TBX15: variants seen among roughly 807,000 people sequenced by gnomAD.
TBX15 encodes T-box transcription factor 15, also known as T-box transcription factor TBX15.
In TBX15, 18 loss-of-function variants were observed where a neutral mutation model predicts 53.9. The observed-to-expected ratio is 0.33, with a 90% confidence interval of 0.23 to 0.49. The LOEUF (loss-of-function observed/expected upper bound fraction) is 0.49, where lower values mean the gene tolerates loss of function less well. TBX15 is among the 20% of genes least tolerant of loss of function. The pLI, the probability that TBX15 is intolerant of heterozygous loss-of-function variation, is 0.98. For synonymous variants in TBX15, 295 were observed against 278.0 expected, an observed-to-expected ratio of 1.06 and a Z score of -0.61; for missense variants, 692 against 749.5, an observed-to-expected ratio of 0.92 and a Z score of 0.90.
At chr1:118,965,140 T>G (rs1416489915) in intron 1 of TBX15, among the ~76,000 whole-genome samples, 1 of 152,166 alleles carries the variant, frequency 6.6e-6, no homozygotes, top group Non-Finnish European at 1.5e-5. Context: ...CTCAACACCT[T>G]GAAAGCCTCC....
chr1:118,893,466 A>AAAGGAAGGAAGG (rs879291100), intron 7 of TBX15, among the ~76,000 whole-genome samples: 2 of 97,200 alleles, frequency 2.1e-5, no homozygotes, highest in Non-Finnish European at 3.9e-5. Context: ...GGAAGGAAAG[A>AAAGGAAGGAAGG]AAGGAAGGAA....
rs986790402 is a variant in TBX15 at position 118,910,370 on chromosome 1, T to C, written c.926+3745A>G. 7.9e-5 allele frequency among the ~76,000 whole-genome samples: 12 copies of C among 152,264 alleles called. No homozygotes were observed. In the South Asian group the frequency reaches 2.5e-3, roughly 32 times the overall value. ...CCTCTGCATGAGTAGTCACTTGATG[T>C]CTAAAATGCATGGGGAAGATCTTAG... On this transcript the variant is annotated intron_variant, in intron 6 of 7. Coordinates refer to ENST00000369429, the MANE Select transcript of TBX15 (RefSeq NM_001330677.2).
intron 1 of TBX15, among the ~76,000 whole-genome samples, chr1:118,980,418 T>C (rs951651729): frequency 6.6e-6 from 1 of 152,180 alleles, no homozygotes; most frequent in Non-Finnish European, 1.5e-5. Context: ...TCATCTGTAG[T>C]GGGTGGTTTG....
chr1:118,948,514 A>T (rs1656412107), intron 1 of TBX15, among the ~76,000 whole-genome samples: 1 of 152,212 alleles, frequency 6.6e-6, no homozygotes. Context: ...CAGGTTTTAC[A>T]TAAAGTTGCT....
In TBX15 at chr1:118,890,675, A is replaced by AT. The variant is rs1654107876; in HGVS notation, c.1025-5160dup. 2.0e-5 allele frequency among the ~76,000 whole-genome samples: 3 copies of AT among 152,176 alleles called. No individual in the cohort carries two copies. The South Asian group carries it at 6.2e-4, about 32-fold the overall frequency. ...AGACAAGTTAAACGTGACCATGAAAATCCTGAATACTAAACCTGCTGACTT... is the reference window on the plus strand; with the variant it reads ...AGACAAGTTAAACGTGACCATGAAAATTCCTGAATACTAAACCTGCTGACTT... On this transcript the variant is annotated intron_variant, in intron 7 of 7. Coordinates refer to ENST00000369429, the MANE Select transcript of TBX15 (RefSeq NM_001330677.2).
chr1:118,945,329 C>T (rs566557222), intron 1 of TBX15, among the ~76,000 whole-genome samples: 1 of 152,142 alleles, frequency 6.6e-6, no homozygotes, highest in Non-Finnish European at 1.5e-5. Context: ...TGTAAGTTAA[C>T]TCTGATTAGT....
At chr1:118,915,176 G>C (rs115301091) in intron 5 of TBX15, among the ~76,000 whole-genome samples, 157 of 152,306 alleles carry the variant, frequency 1.0e-3, no homozygotes, top group African/African-American at 3.7e-3. Flanking sequence ...TTAGGCATAG[G>C]TGCTAGGGAG....
rs1657912451 is a variant in TBX15 at position 118,988,265 on chromosome 1, T to C, written c.-470A>G. On this transcript the variant is annotated 5_prime_UTR_variant, in exon 1 of 8. Transcript: ENST00000369429. ...TCCAAACTTCTGGGAAACTTTTTTT[T>C]CCGCTAAATTCCTCCCTTCCCGAGG... 1 of 156,726 alleles carries C rather than the reference T, an allele frequency of 6.4e-6. No homozygotes were observed. The highest frequency in any genetic ancestry group is 2.0e-4 in the South Asian group (1 of 5,008). The allele number at this position is 156,726 out of a possible 1,614,324, so 9.7% of individuals were successfully genotyped here.
In TBX15 at chr1:118,931,635, T is replaced by C. The variant is rs1021172168; in HGVS notation, c.403A>G (p.Ile135Val). The C allele has an allele frequency of 6.2e-7, 1 of 1,614,092 alleles. No homozygotes were observed. The highest frequency in any genetic ancestry group is 1.3e-5 in the African/African-American group (1 of 75,052). Residue 135 changes from isoleucine to valine, a missense_variant, in exon 2 of 8, where the codon ATC becomes GTC. By Grantham distance (29) the Ile-to-Val change is conservative. This residue lies in a region of TBX15 where 307 missense variants were observed against 347.5 expected (regional missense o/e 0.88). Transcript: ENST00000369429. ...TGTCCTTACCTGCCTGCTTTGGTGA[T>C]GATCATTTCAGTTCCAATATCATGG... The part of the protein sequence containing the change: ...RFHDIGTEMI[I>V]TKAGRRMFPA...
chr1:118,916,805 A>G (rs368561625), intron 5 of TBX15, among the ~76,000 whole-genome samples: 2 of 152,000 alleles, frequency 1.3e-5, no homozygotes, highest in African/African-American at 2.4e-5. Context: ...AGTGGGAGCT[A>G]TGGTGAGCTA....
At chr1:118,893,491 AAAG>A (rs1418397142) in intron 7 of TBX15, among the ~76,000 whole-genome samples, 28 of 104,220 alleles carry the variant, frequency 2.7e-4, no homozygotes, top group African/African-American at 1.3e-3. Context: ...GGAAGGAAAG[AAAG>A]AAAGAAAGAA....
chr1:118,933,512 C>T (rs1655871574), intron 1 of TBX15, among the ~76,000 whole-genome samples: 1 of 149,862 alleles, frequency 6.7e-6, no homozygotes, highest in Non-Finnish European at 1.5e-5. Context: ...CATGTCTAAG[C>T]ACATAATTTT....
At chr1:118,985,450 G>C (rs1008035425) in intron 1 of TBX15, among the ~76,000 whole-genome samples, 1 of 152,196 alleles carries the variant, frequency 6.6e-6, no homozygotes, top group African/African-American at 2.4e-5. Flanking sequence ...TCTGCTCCCT[G>C]GACCGCCGCG....
chr1:118,931,600 C>A lies in TBX15; in HGVS notation c.419+19G>T. Reference sequence around the variant, plus strand: ...TGCAAATTCTTTGAATCTGGCCACTCAAAGGAATTTGTCCTTACCTGCCTG... The same window carrying A: ...TGCAAATTCTTTGAATCTGGCCACTAAAAGGAATTTGTCCTTACCTGCCTG... On this transcript the variant is annotated intron_variant, in intron 2 of 7. Transcript: ENST00000369429. 6.2e-7 allele frequency: 1 copy of A among 1,613,498 alleles called. No homozygotes were observed. The highest frequency in any genetic ancestry group is 8.5e-7 in the Non-Finnish European group (1 of 1,179,668).
At chr1:118,900,289 A>C (rs1654579569) in intron 6 of TBX15, among the ~76,000 whole-genome samples, 1 of 152,184 alleles carries the variant, frequency 6.6e-6, no homozygotes, top group African/African-American at 2.4e-5. Flanking sequence ...CCCTTTTGAG[A>C]TGAAACTTCT....
At chr1:118,969,560 A>G (rs1259043563) in intron 1 of TBX15, among the ~76,000 whole-genome samples, 1 of 152,194 alleles carries the variant, frequency 6.6e-6, no homozygotes, top group African/African-American at 2.4e-5. Flanking sequence ...CATCTTGTAC[A>G]ACCCTTCCTG....
chr1:118,947,179 G>T lies in TBX15; in HGVS notation c.206-15347C>A, dbSNP rs541068541. 3.9e-5 allele frequency among the ~76,000 whole-genome samples: 6 copies of T among 152,314 alleles called. No individual in the cohort carries two copies. The South Asian group carries it at 1.2e-3, about 32-fold the overall frequency. On this transcript the variant is annotated intron_variant, in intron 1 of 7. Coordinates refer to ENST00000369429, the MANE Select transcript of TBX15 (RefSeq NM_001330677.2). Reference sequence around the variant, plus strand: ...CAGTGAGTAAGTGAGGCTGCCCCAGGTAGGCCTGCCAAGGCTTTCCTAAAG... The same window carrying T: ...CAGTGAGTAAGTGAGGCTGCCCCAGTTAGGCCTGCCAAGGCTTTCCTAAAG...
chr1:118,986,826 A>C (rs1395518109), intron 1 of TBX15, among the ~76,000 whole-genome samples: 1 of 152,296 alleles, frequency 6.6e-6, no homozygotes, highest in East Asian at 1.9e-4. Flanking sequence ...GTTTTTGCAC[A>C]GTTGAAATCT....
intron 5 of TBX15, among the ~76,000 whole-genome samples, chr1:118,915,852 C>G (rs1037218791): frequency 6.6e-6 from 1 of 152,180 alleles, no homozygotes; most frequent in Non-Finnish European, 1.5e-5. Context: ...GTAAATATAA[C>G]AGCACTCTAC....
Sources: allele counts gnomAD v4.1 joint callset (sites outside exome capture counted in the v4.1 genomes callset), GRCh38; gene constraint gnomAD v4.1.1; regional missense constraint gnomAD v4.1.1; transcripts MANE v1.5; gene names NCBI Gene and HGNC (gene_info 2026-07-23, HGNC 2026-07-21).